The following PTPRT variants were observed in gnomAD, a reference collection of about 807,000 sequenced individuals.
PTPRT encodes receptor-type tyrosine-protein phosphatase T.
PTPRT carries 56 observed loss-of-function variants against 176.8 expected under a neutral mutation model. The ratio of observed to expected loss-of-function variants is 0.32; its 90% CI spans 0.26 to 0.40. PTPRT has a LOEUF of 0.40. PTPRT is among the 10% of genes least tolerant of loss of function. The pLI is 1.00. For synonymous variants in PTPRT, 783 were observed against 739.0 expected (o/e 1.06, Z -0.96); for missense variants, 1,540 against 1,908.2 (o/e 0.81, Z 3.60).
At chr20:42,874,411 A>G (rs1005684948) in intron 2 of PTPRT, among the ~76,000 whole-genome samples, 2 of 151,682 alleles carry the variant, frequency 1.3e-5, no homozygotes, top group Non-Finnish European at 2.9e-5. Context: ...CATTTCTTCC[A>G]TTTTTCCAGT....
At chr20:42,434,781 G>A (rs867868391) in intron 9 of PTPRT, among the ~76,000 whole-genome samples, 3 of 148,752 alleles carry the variant, frequency 2.0e-5, no homozygotes, top group South Asian at 2.2e-4. Context: ...GGCCAACAAG[G>A]TGAAACCCCG....
At chr20:42,252,361 T>G (rs1306102775) in intron 13 of PTPRT, among the ~76,000 whole-genome samples, 2 of 152,108 alleles carry the variant, frequency 1.3e-5, no homozygotes, top group Non-Finnish European at 2.9e-5. Flanking sequence ...TGTACACAGA[T>G]GGTATTTGAA....
At chr20:42,988,990 C>T (rs147389969) in intron 1 of PTPRT, among the ~76,000 whole-genome samples, 151 of 152,316 alleles carry the variant, frequency 9.9e-4, no homozygotes, top group Non-Finnish European at 1.9e-3. Context: ...CATGTTTATC[C>T]TTTATCATAA....
At position 42,659,420 on chromosome 20, in the gene PTPRT, G is replaced by A. The variant is rs144282621; in HGVS notation, c.1153+18446C>T. 2.7e-3 allele frequency among the ~76,000 whole-genome samples: 414 copies of A among 152,302 alleles called. 3 individuals are homozygous for A. In the Middle Eastern group the frequency reaches 0.044, roughly 16 times the overall value. On this transcript the variant is annotated intron_variant, in intron 7 of 30. Coordinates refer to ENST00000373187, the MANE Select transcript of PTPRT (RefSeq NM_007050.6). ...CTGAACCCTAAACTCCCATAATACAGAATACCGTTACCTTGATAGCCACAC... is the reference window on the plus strand; with the variant it reads ...CTGAACCCTAAACTCCCATAATACAAAATACCGTTACCTTGATAGCCACAC...
intron 7 of PTPRT, among the ~76,000 whole-genome samples, chr20:42,579,730 C>T (rs571121293): frequency 2.9e-3 from 441 of 152,180 alleles, no homozygotes; most frequent in Non-Finnish European, 5.0e-3. Context: ...CTGTTCATAT[C>T]GTTTGCCCAC....
intron 1 of PTPRT, among the ~76,000 whole-genome samples, chr20:43,187,797 C>T (rs2015431269): frequency 7.9e-5 from 12 of 152,252 alleles, no homozygotes; most frequent in Admixed American, 7.9e-4. Context: ...GCTCGCTCCT[C>T]ACACTTCTCT....
At chr20:42,709,599 A>G (rs1458191214) in intron 6 of PTPRT, among the ~76,000 whole-genome samples, 1 of 152,188 alleles carries the variant, frequency 6.6e-6, no homozygotes, top group Non-Finnish European at 1.5e-5. Flanking sequence ...ACCCAACCTC[A>G]GATATTCCTT....
intron 1 of PTPRT, among the ~76,000 whole-genome samples, chr20:42,995,406 G>A (rs1433361050): frequency 1.3e-5 from 2 of 152,108 alleles, no homozygotes; most frequent in African/African-American, 4.8e-5. Context: ...TGGGAGAACC[G>A]AGTTCTAATC....
At chr20:42,328,246 A>G (rs951053713) in intron 11 of PTPRT, among the ~76,000 whole-genome samples, 1 of 152,184 alleles carries the variant, frequency 6.6e-6, no homozygotes, top group African/African-American at 2.4e-5. Context: ...TACTAAACAA[A>G]AAAGAATGAC....
At chr20:42,576,875 T>C (rs542463230) in intron 7 of PTPRT, among the ~76,000 whole-genome samples, 4 of 152,284 alleles carry the variant, frequency 2.6e-5, no homozygotes, top group Admixed American at 1.3e-4. Flanking sequence ...GCCCCTCAAC[T>C]AGCTGCTTCA....
intron 13 of PTPRT, among the ~76,000 whole-genome samples, chr20:42,265,542 A>G (rs1378721403): frequency 6.6e-6 from 1 of 151,854 alleles, no homozygotes; most frequent in South Asian, 2.1e-4. Context: ...TGTCCCCCAG[A>G]GCTGCCCCCT....
chr20:43,029,816 C>A (rs946758770), intron 1 of PTPRT, among the ~76,000 whole-genome samples: 8 of 152,308 alleles, frequency 5.3e-5, no homozygotes, highest in Non-Finnish European at 1.0e-4. Flanking sequence ...TAAATGCAGA[C>A]AGTCATGTGT....
At chr20:42,100,292 G>C (rs905403470) in intron 26 of PTPRT, among the ~76,000 whole-genome samples, 13 of 152,144 alleles carry the variant, frequency 8.5e-5, no homozygotes, top group African/African-American at 2.9e-4. Context: ...GGGATCAGCC[G>C]GCAATCCATT....
chr20:42,943,241 C>A (rs1269399276), intron 1 of PTPRT, among the ~76,000 whole-genome samples: 2 of 152,182 alleles, frequency 1.3e-5, no homozygotes, highest in African/African-American at 4.8e-5. Context: ...TGGAAGATGT[C>A]CCGAGAAGTC....
At chr20:42,334,464 G>T (rs1291756055) in intron 11 of PTPRT, among the ~76,000 whole-genome samples, 10 of 152,202 alleles carry the variant, frequency 6.6e-5, no homozygotes, top group Admixed American at 6.5e-4. Context: ...AAAATATTCT[G>T]CCTTGCCAGT....
chr20:42,617,422 C>T (rs529836951), intron 7 of PTPRT, among the ~76,000 whole-genome samples: 13,434 of 128,130 alleles, frequency 0.1, 1,554 homozygotes, highest in Middle Eastern at 0.15. Context: ...TGTCTCTGCC[C>T]GGCTTTGGTA....
chr20:42,630,857 G>A (rs2074389964), intron 7 of PTPRT, among the ~76,000 whole-genome samples: 2 of 152,072 alleles, frequency 1.3e-5, no homozygotes, highest in Admixed American at 6.6e-5. Context: ...AATAACCTCA[G>A]AACTATGGAA....
intron 2 of PTPRT, among the ~76,000 whole-genome samples, chr20:42,834,100 T>C (rs371258548): frequency 6.6e-6 from 1 of 151,720 alleles, no homozygotes; most frequent in African/African-American, 2.4e-5. Context: ...AAAAAAAAAT[T>C]AAAAATCCCA....
chr20:42,134,472 C>T (rs569243480), intron 18 of PTPRT, among the ~76,000 whole-genome samples: 10 of 152,036 alleles, frequency 6.6e-5, no homozygotes, highest in East Asian at 1.9e-4. Flanking sequence ...CTGGCTGTGG[C>T]GAGGAGGGAA....
Sources: gnomAD v4.1 joint callset for allele counts (sites outside exome capture counted in the v4.1 genomes callset) on GRCh38, gnomAD v4.1.1 for gene constraint, MANE v1.5 for transcripts, NCBI Gene and HGNC (gene_info 2026-07-23, HGNC 2026-07-21) for gene names.